Variants in PEX14 observed in about 807,000 individuals in gnomAD.
PEX14 encodes the protein peroxisomal biogenesis factor 14.
In PEX14, 15 loss-of-function variants were observed where a neutral mutation model predicts 49.5. The ratio of observed to expected loss-of-function variants is 0.30; its 90% confidence interval spans 0.20 to 0.47. PEX14 has a LOEUF of 0.47. Among genes scored for constraint, PEX14 ranks in the 20% least tolerant of loss-of-function variants. PEX14 has a pLI of 1.00. For synonymous variants in PEX14, 210 were observed against 212.7 expected, an observed-to-expected ratio of 0.99 and a Z score of 0.11; for missense variants, 398 against 494.8, an observed-to-expected ratio of 0.80 and a Z score of 1.86.
At chr1:10,595,881 A>T (rs1348711750) in intron 3 of PEX14, among the ~76,000 whole-genome samples, 1 of 152,182 alleles carries the variant, frequency 6.6e-6, no homozygotes, top group African/African-American at 2.4e-5. Flanking sequence ...TTTATAATCT[A>T]GCCTGTGCCT....
chr1:10,534,436 C>G (rs1355835929), intron 2 of PEX14, among the ~76,000 whole-genome samples: 1 of 152,000 alleles, frequency 6.6e-6, no homozygotes, highest in African/African-American at 2.4e-5. Flanking sequence ...GCCTTCTTCT[C>G]CCCACCTTTC....
At chr1:10,537,509 A>G (rs1444574897) in intron 3 of PEX14, among the ~76,000 whole-genome samples, 1 of 152,172 alleles carries the variant, frequency 6.6e-6, no homozygotes, top group Non-Finnish European at 1.5e-5. Context: ...TCATCAAAGC[A>G]TTGAAGCTGG....
rs1276166187 is a variant in PEX14, at chr1:10,474,999, C to T, written c.33C>T (p.Ser11=). The change falls in exon 1 of 9, where the codon AGC becomes AGT. Residue 11 remains serine (S), a synonymous_variant. Coordinates refer to ENST00000356607, the MANE Select transcript of PEX14 (RefSeq NM_004565.3). MASSEQAEQP[S]QPSSTPGSEN... Reference sequence around the variant, plus strand: ...CCTCGGAGCAGGCAGAGCAGCCGAGCCAGGTAAGGGGAGTGGGACTGCCCC... The same window carrying T: ...CCTCGGAGCAGGCAGAGCAGCCGAGTCAGGTAAGGGGAGTGGGACTGCCCC... 2.5e-6 allele frequency: 4 copies of T among 1,609,906 alleles called. No homozygotes were observed. Among genetic ancestry groups the T allele is most frequent in the East Asian group, 4.5e-5 (2 of 44,744 alleles).
At chr1:10,622,723 G>A (rs972570931) in intron 5 of PEX14, among the ~76,000 whole-genome samples, 3 of 152,200 alleles carry the variant, frequency 2.0e-5, no homozygotes, top group African/African-American at 7.2e-5. Context: ...CAGAAATAGT[G>A]TAGCATCACT....
intron 5 of PEX14, among the ~76,000 whole-genome samples, chr1:10,621,570 C>T (rs1020912911): frequency 1.3e-5 from 2 of 152,044 alleles, no homozygotes; most frequent in East Asian, 1.9e-4. Context: ...TGGTCTCGAA[C>T]GCCTGACCTC....
At chr1:10,552,201 TG>T (rs2124512388) in intron 3 of PEX14, among the ~76,000 whole-genome samples, 1 of 152,308 alleles carries the variant, frequency 6.6e-6, no homozygotes, top group African/African-American at 2.4e-5. Flanking sequence ...ACCAGCACTT[TG>T]GGAGGCCGAG....
intron 3 of PEX14, among the ~76,000 whole-genome samples, chr1:10,546,393 C>T (rs1051304557): frequency 6.6e-6 from 1 of 151,488 alleles, no homozygotes; most frequent in African/African-American, 2.4e-5. Flanking sequence ...TGGCGAAACC[C>T]TGTCTCTACT....
At chr1:10,528,451 G>A (rs1638554338) in intron 2 of PEX14, 1 of 201,286 alleles carries the variant, frequency 5.0e-6, no homozygotes. Flanking sequence ...CATTAGGGAG[G>A]TGCTGGGGAC....
chr1:10,593,506 C>T (rs1303304853), intron 3 of PEX14, among the ~76,000 whole-genome samples: 2 of 152,094 alleles, frequency 1.3e-5, no homozygotes, highest in Admixed American at 6.5e-5. Flanking sequence ...TGGGAAACAG[C>T]CCCCTGCCAC....
At position 10,493,926 on chromosome 1, in the gene PEX14, G is replaced by T. The variant is rs79783827; in HGVS notation, c.37-1348G>T. Among the ~76,000 whole-genome samples the T allele has an allele frequency of 2.6e-3, 394 of 152,350 alleles. 1 individual carries two copies. The highest frequency in any genetic ancestry group is 8.9e-3 in the African/African-American group (369 of 41,588). On this transcript the variant is annotated intron_variant, in intron 1 of 8. Coordinates refer to ENST00000356607, the MANE Select transcript of PEX14 (RefSeq NM_004565.3). ...CTCCAGGGCAGCTTAACTCCAAGAA[G>T]AGGCAGGAAGGCAGTCGGATGTGTA... is the stretch of plus-strand genomic sequence containing the variant.
At chr1:10,534,317 A>G (rs1330562577) in intron 2 of PEX14, among the ~76,000 whole-genome samples, 3 of 152,078 alleles carry the variant, frequency 2.0e-5, no homozygotes, top group Non-Finnish European at 4.4e-5. Flanking sequence ...GTACCTGTTC[A>G]TTCTCTTTCC....
In PEX14 at chr1:10,514,156, C is replaced by G. The variant is rs376526988; in HGVS notation, c.84+18835C>G. ...AAAATGTATAAAATAATCTATGCCT[C>G]TGTGTGTGTGTGTGTGTGTGTGTGT... On this transcript the variant is annotated intron_variant, in intron 2 of 8. Transcript: ENST00000356607. The surrounding 1 kb of genome is among the most constrained non-coding windows in gnomAD (Gnocchi z 4.4). Among the ~76,000 whole-genome samples the G allele has an allele frequency of 8.6e-4, 123 of 143,264 alleles. No homozygotes were observed. The highest frequency in any genetic ancestry group is 1.6e-3 in the South Asian group (7 of 4,286). 94.0% of individuals were successfully genotyped at this position (143,264 alleles called of 152,430 possible). A position where few individuals can be genotyped will look rare whatever the true frequency, so the allele number is the denominator to read the frequency against.
intron 2 of PEX14, among the ~76,000 whole-genome samples, chr1:10,504,086 G>T (rs780394366): frequency 6.6e-6 from 1 of 152,230 alleles, no homozygotes; most frequent in Middle Eastern, 3.4e-3. Context: ...GTCAAACCAC[G>T]CAGAATGATT....
chr1:10,626,247 A>G (rs1641741646), intron 7 of PEX14, among the ~76,000 whole-genome samples: 1 of 152,184 alleles, frequency 6.6e-6, no homozygotes, highest in Admixed American at 6.5e-5. Flanking sequence ...CTTGTAGGCC[A>G]GTGAGTGGAA....
At chr1:10,609,758 G>T (rs567323140) in intron 4 of PEX14, among the ~76,000 whole-genome samples, 1 of 152,104 alleles carries the variant, frequency 6.6e-6, no homozygotes, top group South Asian at 2.1e-4. Flanking sequence ...GGTGGCGGGC[G>T]CCTGTAATCC....
chr1:10,576,679 G>C (rs1421179022), intron 3 of PEX14, among the ~76,000 whole-genome samples: 1 of 151,360 alleles, frequency 6.6e-6, no homozygotes, highest in African/African-American at 2.4e-5. Context: ...TACATAACAA[G>C]GTCTCTTTCA....
intron 3 of PEX14, among the ~76,000 whole-genome samples, chr1:10,562,248 C>T (rs79498424): frequency 0.034 from 5,250 of 152,192 alleles, 314 homozygotes; most frequent in African/African-American, 0.12. Flanking sequence ...CTCCACCCAC[C>T]CCCAACACAT....
chr1:10,489,819 C>G (rs1001261693), intron 1 of PEX14, among the ~76,000 whole-genome samples: 2 of 152,230 alleles, frequency 1.3e-5, no homozygotes, highest in African/African-American at 4.8e-5. Flanking sequence ...AAATGTGTCT[C>G]CTGGCAGGAA....
chr1:10,625,473 A>G (rs748183424), intron 7 of PEX14, among the ~76,000 whole-genome samples: 2 of 152,212 alleles, frequency 1.3e-5, no homozygotes, highest in African/African-American at 2.4e-5. Flanking sequence ...TGCAAAAACC[A>G]TGAAAATGAC....
Sources: allele counts gnomAD v4.1 joint callset (sites outside exome capture counted in the v4.1 genomes callset), GRCh38; gene constraint gnomAD v4.1.1; non-coding constraint Gnocchi (gnomAD v3.1); transcripts MANE v1.5; gene names NCBI Gene and HGNC (gene_info 2026-07-23, HGNC 2026-07-21).